The following ASTN1 variants were observed in gnomAD, a reference collection of about 807,000 sequenced individuals.
ASTN1 encodes astrotactin 1.
A neutral mutation model predicts 140.7 loss-of-function variants in ASTN1; 41 were observed. That is an observed-to-expected ratio of 0.29 (90% CI 0.23 to 0.38). ASTN1 has a LOEUF of 0.38. Ranked by LOEUF, ASTN1 falls within the 10% of genes least tolerant of loss-of-function variation. The pLI, the probability that ASTN1 is intolerant of heterozygous loss-of-function variation, is 1.00. For missense variants in ASTN1, 1,479 were observed against 1,678.8 expected (o/e 0.88, Z 2.08); for synonymous variants, 640 against 652.2 (o/e 0.98, Z 0.29).
At chr1:176,883,921 C>T (rs1322422711) in intron 19 of ASTN1, among the ~76,000 whole-genome samples, 7 of 152,198 alleles carry the variant, frequency 4.6e-5, no homozygotes, top group East Asian at 1.9e-4. Flanking sequence ...TTTGCACATG[C>T]TTTTGCCTGG....
chr1:176,903,725 T>C (rs1669866333), intron 16 of ASTN1, among the ~76,000 whole-genome samples: 1 of 152,202 alleles, frequency 6.6e-6, no homozygotes, highest in Non-Finnish European at 1.5e-5. Flanking sequence ...TTCCTCTTAG[T>C]TTCCTAGGGC....
intron 1 of ASTN1, among the ~76,000 whole-genome samples, chr1:177,096,628 G>T (rs1680037360): frequency 6.6e-6 from 1 of 152,074 alleles, no homozygotes; most frequent in Admixed American, 6.5e-5. Context: ...CCCTGCTGTT[G>T]TTCTCTTGAT....
intron 1 of ASTN1, among the ~76,000 whole-genome samples, chr1:177,143,646 A>T (rs1486715630): frequency 7.2e-5 from 11 of 152,134 alleles, no homozygotes; most frequent in Non-Finnish European, 1.6e-4. Context: ...AATGAAAGTC[A>T]CTTTTATGTT....
At chr1:176,908,391 C>T (rs1035586116) in intron 16 of ASTN1, among the ~76,000 whole-genome samples, 2 of 152,034 alleles carry the variant, frequency 1.3e-5, no homozygotes, top group African/African-American at 2.4e-5. Context: ...GAAAGCAGAC[C>T]CACATCTGGC....
rs762828793 is a variant in ASTN1 at position 177,164,465 on chromosome 1, C to A, written c.212G>T (p.Arg71Leu). The A allele has an allele frequency of 3.1e-6, 5 of 1,613,616 alleles. No homozygotes were observed. Among genetic ancestry groups the A allele is most frequent in the Non-Finnish European group, 3.4e-6 (4 of 1,179,848 alleles). ...GACCATTTCTCCCGGGAAGTCGTTGCGCACCGAGAAGAGGAGCTTGGGCTC... is the reference window on the plus strand; with the variant it reads ...GACCATTTCTCCCGGGAAGTCGTTGAGCACCGAGAAGAGGAGCTTGGGCTC... ...ASEPKLLFSV[R>L]NDFPGEMVVV... Residue 71 changes from arginine to leucine, a missense_variant, in exon 1 of 23, where the codon CGC (arginine) becomes CTC (leucine). Arg to Leu is a moderately radical substitution (Grantham distance 102, BLOSUM62 -2). Around this residue, in one of 3 missense-constraint regions of ASTN1, gnomAD observed 729 missense variants for 860.4 expected, o/e 0.85. Coordinates refer to ENST00000361833, the MANE Select transcript of ASTN1 (RefSeq NM_004319.3).
chr1:176,887,875 C>T (rs1669103056), intron 18 of ASTN1, among the ~76,000 whole-genome samples, 196 bp downstream of exon 18: 1 of 152,166 alleles, frequency 6.6e-6, no homozygotes, highest in African/African-American at 2.4e-5. Context: ...TTAAATGCCT[C>T]TTGTTAACAC....
At chr1:176,979,632 T>C (rs12092386) in intron 8 of ASTN1, among the ~76,000 whole-genome samples, 10,080 of 152,176 alleles carry the variant, frequency 0.066, 1,116 homozygotes, top group African/African-American at 0.23. Flanking sequence ...GTGAGCCTTC[T>C]TGTCACTGTA....
At chr1:176,873,014 GAAC>G (rs1438516284) in intron 21 of ASTN1, among the ~76,000 whole-genome samples, 9 of 152,200 alleles carry the variant, frequency 5.9e-5, no homozygotes, top group Non-Finnish European at 1.2e-4. Context: ...CTACTGCCTA[GAAC>G]AGGTATTTAG....
In ASTN1 at chr1:176,868,957, G is replaced by A. The variant is rs1251954237; in HGVS notation, c.3534C>T (p.Asn1178=). Residue 1178 remains asparagine (N), a synonymous_variant, in exon 22 of 23, where the codon AAC becomes AAT. Coordinates refer to ENST00000361833, the MANE Select transcript of ASTN1 (RefSeq NM_004319.3). ...TGGGGGAACCCAGATCCAGGAGGGTGTTGTAGGCGGTCTGCTGCTCCTTCC... is the reference window on the plus strand; with the variant it reads ...TGGGGGAACCCAGATCCAGGAGGGTATTGTAGGCGGTCTGCTGCTCCTTCC... ...TSGKEQQTAY[N]TLLDLGSPTL... 6.2e-7 allele frequency: 1 copy of A among 1,612,832 alleles called. No individual in the cohort carries two copies. Among genetic ancestry groups the A allele is most frequent in the South Asian group, 1.1e-5 (1 of 90,872 alleles).
intron 1 of ASTN1, among the ~76,000 whole-genome samples, chr1:177,105,687 T>C (rs1194537363): frequency 1.3e-5 from 2 of 151,908 alleles, no homozygotes; most frequent in East Asian, 3.9e-4. Context: ...TAGAACTTGG[T>C]TAAATGATAA....
intron 16 of ASTN1, among the ~76,000 whole-genome samples, chr1:176,914,234 G>A (rs1670383049): frequency 6.6e-6 from 1 of 152,196 alleles, no homozygotes; most frequent in Admixed American, 6.5e-5. Flanking sequence ...TGACTCCAGG[G>A]TAGTCAATCA....
intron 20 of ASTN1, among the ~76,000 whole-genome samples, chr1:176,877,240 T>C (rs1449660428): frequency 1.3e-5 from 2 of 152,200 alleles, no homozygotes; most frequent in Admixed American, 1.3e-4. Context: ...GATAATATGG[T>C]TCATGACATT....
At chr1:177,023,629 G>A in intron 6 of ASTN1, 58 bp from the exon 7 acceptor site, 1 of 1,464,152 alleles carries the variant, frequency 6.8e-7, no homozygotes, top group South Asian at 1.4e-5. Flanking sequence ...ACGTCCACAA[G>A]CCACCGAAGA....
At chr1:177,011,825 C>G (rs1675310071) in intron 8 of ASTN1, among the ~76,000 whole-genome samples, 1 of 151,798 alleles carries the variant, frequency 6.6e-6, no homozygotes, top group Admixed American at 6.6e-5. Flanking sequence ...ACTCCTCCAC[C>G]TCAAAAAAAA....
At chr1:176,978,441 TGGG>T (rs1673463129) in intron 8 of ASTN1, among the ~76,000 whole-genome samples, 1 of 152,064 alleles carries the variant, frequency 6.6e-6, no homozygotes, top group African/African-American at 2.4e-5. Flanking sequence ...CTGAATTCAG[TGGG>T]AAGACGTGGA....
At chr1:176,892,915 G>A (rs10913273) in intron 17 of ASTN1, among the ~76,000 whole-genome samples, 2,951 of 152,208 alleles carry the variant, frequency 0.019, 77 homozygotes, top group African/African-American at 0.068. Flanking sequence ...ACTCCAGCTA[G>A]GGCCACTTGT....
At chr1:177,157,337 A>T (rs1683283271) in intron 1 of ASTN1, among the ~76,000 whole-genome samples, 1 of 151,902 alleles carries the variant, frequency 6.6e-6, no homozygotes, top group Non-Finnish European at 1.5e-5. Flanking sequence ...GTTTTGTTTT[A>T]TAAGGTCTTA....
intron 1 of ASTN1, among the ~76,000 whole-genome samples, chr1:177,150,326 T>C (rs185050879): frequency 6.6e-6 from 1 of 151,070 alleles, no homozygotes; most frequent in Admixed American, 6.6e-5. Context: ...ACCTTGAATG[T>C]ACACAAACAG....
At chr1:176,961,763 C>T (rs1024587947) in intron 9 of ASTN1, among the ~76,000 whole-genome samples, 2 of 152,218 alleles carry the variant, frequency 1.3e-5, no homozygotes, top group East Asian at 1.9e-4. Flanking sequence ...AAAATCTCAT[C>T]TGTCCCTCAT....
Sources: allele counts gnomAD v4.1 joint callset (sites outside exome capture counted in the v4.1 genomes callset), GRCh38; gene constraint gnomAD v4.1.1; regional missense constraint gnomAD v4.1.1; transcripts MANE v1.5; gene names NCBI Gene and HGNC (gene_info 2026-07-23, HGNC 2026-07-21).